The following CDK14 variants were observed in gnomAD, a reference collection of about 807,000 sequenced individuals.
CDK14 encodes the protein cyclin dependent kinase 14, also known as cyclin-dependent kinase 14.
A neutral mutation model predicts 60.7 loss-of-function variants in CDK14; 34 were observed. That is an observed-to-expected ratio of 0.56 (90% CI 0.43 to 0.75). The LOEUF is 0.75. Ranked by LOEUF, CDK14 falls within the 30% of genes least tolerant of loss-of-function variation. The pLI is 0.00. For synonymous variants in CDK14, 197 were observed against 203.7 expected (o/e 0.97, Z 0.28); for missense variants, 482 against 564.1 (o/e 0.85, Z 1.47).
intron 5 of CDK14, among the ~76,000 whole-genome samples, chr7:90,806,289 G>T (rs1788831318): frequency 6.6e-6 from 1 of 152,040 alleles, no homozygotes; most frequent in Admixed American, 6.6e-5. Context: ...AATTGGAGTT[G>T]TCCTCTTAAA....
At chr7:90,850,726 C>T (rs1279109842) in intron 5 of CDK14, among the ~76,000 whole-genome samples, 3 of 152,096 alleles carry the variant, frequency 2.0e-5, no homozygotes, top group African/African-American at 7.2e-5. Context: ...GCATGGAGAC[C>T]TCTCCATCAG....
intron 5 of CDK14, among the ~76,000 whole-genome samples, chr7:90,810,721 C>T (rs62468461): frequency 0.073 from 11,077 of 151,866 alleles, 513 homozygotes; most frequent in South Asian, 0.11. Context: ...AAAACCCCAT[C>T]GTCTCAGCCC....
chr7:91,171,676 T>C (rs1443332405), intron 14 of CDK14, among the ~76,000 whole-genome samples: 1 of 152,188 alleles, frequency 6.6e-6, no homozygotes, highest in Non-Finnish European at 1.5e-5. Flanking sequence ...AGATGGAGTC[T>C]CACTCTGTCG....
intron 2 of CDK14, among the ~76,000 whole-genome samples, chr7:90,632,828 C>T (rs1405626696): frequency 6.6e-6 from 1 of 152,158 alleles, no homozygotes; most frequent in East Asian, 1.9e-4. Flanking sequence ...GTGGCTCACA[C>T]CTGTAATCCC....
At chr7:91,135,834 AAGC>A (rs1458041691) in intron 14 of CDK14, among the ~76,000 whole-genome samples, 1 of 152,176 alleles carries the variant, frequency 6.6e-6, no homozygotes, top group East Asian at 1.9e-4. Flanking sequence ...AACTGAACCC[AAGC>A]ACCCTTTGTT....
intron 2 of CDK14, among the ~76,000 whole-genome samples, chr7:90,688,592 A>G (rs1185629303): frequency 6.6e-6 from 1 of 152,208 alleles, no homozygotes; most frequent in African/African-American, 2.4e-5. Context: ...AGTAAGAGGT[A>G]TTAACAAAAA....
At chr7:90,614,239 A>C (rs1013374608) in intron 2 of CDK14, among the ~76,000 whole-genome samples, 13 of 152,148 alleles carry the variant, frequency 8.5e-5, no homozygotes, top group African/African-American at 2.9e-4. Flanking sequence ...TCCTGATCTC[A>C]AGTGATCCAC....
At chr7:91,050,246 C>G (rs979415675) in intron 11 of CDK14, among the ~76,000 whole-genome samples, 11 of 152,018 alleles carry the variant, frequency 7.2e-5, no homozygotes, top group Non-Finnish European at 7.4e-5. Context: ...TAAGACCACC[C>G]CAGCTATTAT....
intron 5 of CDK14, among the ~76,000 whole-genome samples, chr7:90,844,344 T>A (rs1790392702): frequency 6.6e-6 from 1 of 152,268 alleles, no homozygotes; most frequent in South Asian, 2.1e-4. Flanking sequence ...TAAGGAGAAA[T>A]ACACTTTTTA....
chr7:90,672,502 GTTTTTTTTTTTTTTTTTTTTT>G (rs201978996), intron 2 of CDK14, among the ~76,000 whole-genome samples: 10 of 49,996 alleles, frequency 2.0e-4, no homozygotes, highest in East Asian at 6.9e-4. Context: ...TTCTTCTTCT[GTTTTTTTTTTTTTTTTTTTTT>G]TTTTTTTTTT....
intron 2 of CDK14, among the ~76,000 whole-genome samples, chr7:90,635,842 T>A (rs961007755): frequency 2.6e-5 from 4 of 151,756 alleles, no homozygotes; most frequent in African/African-American, 9.7e-5. Flanking sequence ...CTTGAAGAGG[T>A]CCTTCACGTC....
intron 2 of CDK14, among the ~76,000 whole-genome samples, chr7:90,699,808 A>G (rs1462572903): frequency 1.3e-5 from 2 of 152,220 alleles, no homozygotes; most frequent in Admixed American, 6.5e-5. Flanking sequence ...GGGGTCAGGC[A>G]GAAGGTACCT....
chr7:90,807,024 A>G (rs1390772474), intron 5 of CDK14, among the ~76,000 whole-genome samples: 4 of 152,230 alleles, frequency 2.6e-5, no homozygotes. Flanking sequence ...CTGCCTCTGT[A>G]GACTCCACCT....
At chr7:90,730,429 A>G (rs1014157724) in intron 3 of CDK14, among the ~76,000 whole-genome samples, 2 of 152,226 alleles carry the variant, frequency 1.3e-5, no homozygotes, top group African/African-American at 4.8e-5. Flanking sequence ...AGGAATTGCC[A>G]CACTGTCTTC....
chr7:91,076,583 C>A (rs896137394), intron 11 of CDK14, among the ~76,000 whole-genome samples: 1 of 152,054 alleles, frequency 6.6e-6, no homozygotes, highest in African/African-American at 2.4e-5. Context: ...TCAGGACTTA[C>A]GCATGGGCAA....
intron 11 of CDK14, among the ~76,000 whole-genome samples, chr7:91,062,792 A>G (rs1797848323): frequency 6.6e-6 from 1 of 151,952 alleles, no homozygotes; most frequent in Non-Finnish European, 1.5e-5. Flanking sequence ...ACTATACCCC[A>G]CTAAGTATCT....
At chr7:91,081,211 C>T (rs1188564483) in intron 12 of CDK14, among the ~76,000 whole-genome samples, 8 of 152,130 alleles carry the variant, frequency 5.3e-5, no homozygotes, top group Non-Finnish European at 8.8e-5. Flanking sequence ...GATGCAGAGA[C>T]GTTAATTATA....
At chr7:91,055,713 T>G (rs894438957) in intron 11 of CDK14, among the ~76,000 whole-genome samples, 4 of 152,228 alleles carry the variant, frequency 2.6e-5, no homozygotes, top group African/African-American at 7.2e-5. Context: ...ATTAAAAGTC[T>G]TGTATACTGT....
chr7:91,062,773 C>G (rs1034902064), intron 11 of CDK14, among the ~76,000 whole-genome samples: 4 of 152,126 alleles, frequency 2.6e-5, no homozygotes, highest in African/African-American at 9.7e-5. Flanking sequence ...CAAACCACCC[C>G]AAAGGTGTAC....
Sources: gnomAD v4.1 joint callset for allele counts (sites outside exome capture counted in the v4.1 genomes callset) on GRCh38, gnomAD v4.1.1 for gene constraint, MANE v1.5 for transcripts, NCBI Gene and HGNC (gene_info 2026-07-23, HGNC 2026-07-21) for gene names.